Variants in FSTL4 observed in about 807,000 individuals in gnomAD.
The protein encoded by FSTL4 is follistatin like 4, also known as follistatin-related protein 4.
FSTL4 carries 28 observed loss-of-function variants against 78.2 expected under a neutral mutation model. The ratio of observed to expected loss-of-function variants is 0.36; its 90% CI spans 0.27 to 0.49. The LOEUF is 0.49. Ranked by LOEUF, FSTL4 falls within the 20% of genes least tolerant of loss-of-function variation. The pLI is 0.98. For missense variants in FSTL4, 922 were observed against 1,084.9 expected, an observed-to-expected ratio of 0.85 and a Z score of 2.11; for synonymous variants, 422 against 440.5, an observed-to-expected ratio of 0.96 and a Z score of 0.53.
At chr5:133,510,582 T>A (rs1248230421) in intron 3 of FSTL4, among the ~76,000 whole-genome samples, 1 of 152,070 alleles carries the variant, frequency 6.6e-6, no homozygotes, top group African/African-American at 2.4e-5. Flanking sequence ...AGATCAATTT[T>A]TCCAGCAGAA....
At chr5:133,312,558 G>T in intron 6 of FSTL4, 96 bp downstream of exon 6, 2 of 1,146,376 alleles carry the variant, frequency 1.7e-6, no homozygotes, top group South Asian at 1.4e-5. Flanking sequence ...AAACCAACCT[G>T]GGAGACAACT....
chr5:133,668,659 G>T, the FSTL4 span, among the ~76,000 whole-genome samples: 3 of 152,166 alleles, frequency 2.0e-5, no homozygotes, highest in Non-Finnish European at 4.4e-5. Context: ...CCAGAGATTG[G>T]CTGGGTCTGG....
the FSTL4 span, among the ~76,000 whole-genome samples, chr5:133,783,881 C>A: frequency 1.6e-4 from 24 of 151,800 alleles, no homozygotes; most frequent in East Asian, 4.6e-3. Context: ...CCCCGCCCAC[C>A]CCCCAAACAT....
At chr5:133,593,564 CA>C (rs954392118) in intron 2 of FSTL4, among the ~76,000 whole-genome samples, 2 of 152,092 alleles carry the variant, frequency 1.3e-5, no homozygotes, top group African/African-American at 4.8e-5. Flanking sequence ...ACAGCTGAGC[CA>C]GGGGCCAGGA....
upstream of FSTL4, among the ~76,000 whole-genome samples, chr5:133,614,798 G>A (rs987862866): frequency 2.6e-5 from 4 of 152,072 alleles, no homozygotes; most frequent in Admixed American, 1.3e-4. Context: ...TTGGAATAGG[G>A]GAGCTAAAAG....
At chr5:133,483,326 T>A (rs1362400544) in intron 3 of FSTL4, among the ~76,000 whole-genome samples, 8 of 152,190 alleles carry the variant, frequency 5.3e-5, no homozygotes, top group Admixed American at 3.9e-4. Context: ...AATACAGAGA[T>A]AGCACAAATG....
the FSTL4 span, among the ~76,000 whole-genome samples, chr5:133,644,552 G>A: frequency 3.8e-3 from 571 of 152,252 alleles, 3 homozygotes; most frequent in African/African-American, 0.013. Flanking sequence ...GGAAACCACC[G>A]TGATGGTCCT....
At chr5:133,569,318 C>G (rs823995) in intron 2 of FSTL4, among the ~76,000 whole-genome samples, 76,222 of 152,130 alleles carry the variant, frequency 0.5, 19,246 homozygotes, top group African/African-American at 0.55. Flanking sequence ...GTTCATACTG[C>G]GCACCCTTGT....
intron 6 of FSTL4, among the ~76,000 whole-genome samples, chr5:133,278,938 C>T (rs1478641259): frequency 6.6e-6 from 1 of 152,222 alleles, no homozygotes; most frequent in East Asian, 1.9e-4. Flanking sequence ...CTTCCTGGGC[C>T]TGAGTAGCTG....
chr5:133,263,839 T>C (rs945868569), intron 6 of FSTL4, among the ~76,000 whole-genome samples: 1 of 152,088 alleles, frequency 6.6e-6, no homozygotes, highest in African/African-American at 2.4e-5. Flanking sequence ...GAAAAGTCTC[T>C]GAGTGGGTGA....
chr5:133,703,784 T>C, the FSTL4 span, among the ~76,000 whole-genome samples: 1 of 152,196 alleles, frequency 6.6e-6, no homozygotes, highest in Middle Eastern at 3.4e-3. Context: ...AGTAGGCCCC[T>C]GAACTGCAAA....
At chr5:133,657,676 A>T in the FSTL4 span, among the ~76,000 whole-genome samples, 1 of 152,034 alleles carries the variant, frequency 6.6e-6, no homozygotes, top group African/African-American at 2.4e-5. Flanking sequence ...ATATAATTCA[A>T]AATGTTATAC....
intron 4 of FSTL4, among the ~76,000 whole-genome samples, chr5:133,366,309 G>A (rs143854029): frequency 3.0e-3 from 457 of 152,228 alleles, no homozygotes; most frequent in Non-Finnish European, 5.0e-3. Context: ...TTGAAACTCC[G>A]CATTGAAACA....
At chr5:133,367,761 G>A (rs1755208788) in intron 4 of FSTL4, among the ~76,000 whole-genome samples, 1 of 152,238 alleles carries the variant, frequency 6.6e-6, no homozygotes. Flanking sequence ...CAAAGATCAG[G>A]AGAGTAGAAA....
intron 4 of FSTL4, among the ~76,000 whole-genome samples, chr5:133,322,435 T>C (rs1754094236): frequency 6.6e-6 from 1 of 152,120 alleles, no homozygotes; most frequent in African/African-American, 2.4e-5. Context: ...AAGCAGTCCC[T>C]GAGATGAGGA....
chr5:133,624,447 A>G, the FSTL4 span, among the ~76,000 whole-genome samples: 1 of 151,930 alleles, frequency 6.6e-6, no homozygotes, highest in Non-Finnish European at 1.5e-5. Flanking sequence ...ATAGAGAGTA[A>G]TTACTTCCCA....
At chr5:133,321,006 C>CAAAAA (rs3976680) in intron 4 of FSTL4, among the ~76,000 whole-genome samples, 1,060 of 89,244 alleles carry the variant, frequency 0.012, 29 homozygotes, top group African/African-American at 0.03. Flanking sequence ...GACTCCGTCT[C>CAAAAA]AAAAAAAAAA....
At chr5:133,620,410 T>G in the FSTL4 span, among the ~76,000 whole-genome samples, 6 of 152,206 alleles carry the variant, frequency 3.9e-5, no homozygotes, top group Non-Finnish European at 1.5e-5. Flanking sequence ...GTTTTTGAAG[T>G]ATGAAAGACA....
At chr5:133,699,392 C>T in the FSTL4 span, among the ~76,000 whole-genome samples, 1 of 152,180 alleles carries the variant, frequency 6.6e-6, no homozygotes, top group African/African-American at 2.4e-5. Flanking sequence ...CCCGAGGAAA[C>T]TCCACCTGCT....
Sources: gnomAD v4.1 joint callset for allele counts (sites outside exome capture counted in the v4.1 genomes callset) on GRCh38, gnomAD v4.1.1 for gene constraint, MANE v1.5 for transcripts, NCBI Gene and HGNC (gene_info 2026-07-23, HGNC 2026-07-21) for gene names.